The following ARB2A variants were observed in gnomAD, a reference collection of about 807,000 sequenced individuals.
ARB2A encodes the protein ARB2 cotranscriptional regulator A.
At chr5:93,779,217 G>GA in the ARB2A span, among the ~76,000 whole-genome samples, 2 of 152,026 alleles carry the variant, frequency 1.3e-5, no homozygotes, top group South Asian at 4.1e-4. Flanking sequence ...TTTGCTATAT[G>GA]ATAGAGCATA....
At chr5:94,082,826 G>C in the ARB2A span, among the ~76,000 whole-genome samples, 2 of 151,974 alleles carry the variant, frequency 1.3e-5, no homozygotes, top group Admixed American at 6.6e-5. Context: ...CTCAGAGAAG[G>C]CTTCATATTG....
At chr5:93,760,715 C>G in the ARB2A span, among the ~76,000 whole-genome samples, 1 of 152,194 alleles carries the variant, frequency 6.6e-6, no homozygotes, top group Non-Finnish European at 1.5e-5. Flanking sequence ...GAGAATGAAA[C>G]TGGATCCTCA....
At chr5:93,709,346 TG>T in the ARB2A span, among the ~76,000 whole-genome samples, 3 of 151,866 alleles carry the variant, frequency 2.0e-5, no homozygotes, top group Non-Finnish European at 4.4e-5. Context: ...GAAAATAAAT[TG>T]CAGAGGGCCA....
At chr5:94,080,833 G>T in the ARB2A span, among the ~76,000 whole-genome samples, 6 of 152,072 alleles carry the variant, frequency 3.9e-5, no homozygotes, top group Non-Finnish European at 8.8e-5. Context: ...CGCAAGTCCT[G>T]ATCTCTAAAA....
chr5:93,990,139 A>G, the ARB2A span, among the ~76,000 whole-genome samples: 1 of 152,108 alleles, frequency 6.6e-6, no homozygotes, highest in Non-Finnish European at 1.5e-5. Flanking sequence ...TTTCCTATAA[A>G]TTATTTATCT....
At chr5:93,690,633 C>T in the ARB2A span, among the ~76,000 whole-genome samples, 1 of 152,120 alleles carries the variant, frequency 6.6e-6, no homozygotes, top group Admixed American at 6.6e-5. Flanking sequence ...GCAGCTTCAG[C>T]AGAATTAAAT....
chr5:93,642,381 A>AT, the ARB2A span, among the ~76,000 whole-genome samples: 9 of 148,146 alleles, frequency 6.1e-5, no homozygotes, highest in Admixed American at 4.0e-4. Flanking sequence ...CTAATTTTTT[A>AT]TTTTTTTTGG....
At chr5:94,092,262 C>A in the ARB2A span, among the ~76,000 whole-genome samples, 1 of 152,014 alleles carries the variant, frequency 6.6e-6, no homozygotes, top group East Asian at 1.9e-4. Context: ...GGTAGGATTG[C>A]TTGAGCCTGA....
chr5:93,985,873 C>T, the ARB2A span, among the ~76,000 whole-genome samples: 3 of 152,188 alleles, frequency 2.0e-5, no homozygotes, highest in South Asian at 2.1e-4. Flanking sequence ...AGCGTCTCTG[C>T]CTGGCCGCCC....
At chr5:93,804,958 C>A in the ARB2A span, 1 of 982,962 alleles carries the variant, frequency 1.0e-6, no homozygotes, top group African/African-American at 1.8e-5. Context: ...AAAAAATTTA[C>A]AAGCATGTCC....
the ARB2A span, among the ~76,000 whole-genome samples, chr5:94,107,072 A>G: frequency 6.6e-6 from 1 of 152,072 alleles, no homozygotes; most frequent in African/African-American, 2.4e-5. Context: ...AAAGTTGGAA[A>G]GGAATAAAAG....
chr5:93,690,401 G>A, the ARB2A span, among the ~76,000 whole-genome samples: 1 of 152,134 alleles, frequency 6.6e-6, no homozygotes, highest in Non-Finnish European at 1.5e-5. Flanking sequence ...GGCTTGAGTA[G>A]GCAGTTCTCC....
the ARB2A span, among the ~76,000 whole-genome samples, chr5:93,951,925 G>C: frequency 6.6e-6 from 1 of 152,170 alleles, no homozygotes; most frequent in African/African-American, 2.4e-5. Flanking sequence ...CAACACAGTG[G>C]TAAATCCCTG....
At chr5:93,963,506 A>G in the ARB2A span, among the ~76,000 whole-genome samples, 2 of 152,028 alleles carry the variant, frequency 1.3e-5, no homozygotes, top group Non-Finnish European at 2.9e-5. Flanking sequence ...ACTTACGGAA[A>G]ATCAAATAAA....
chr5:94,052,851 T>G, the ARB2A span, among the ~76,000 whole-genome samples: 1 of 152,202 alleles, frequency 6.6e-6, no homozygotes, highest in African/African-American at 2.4e-5. Flanking sequence ...TTGAAATGCA[T>G]AAGCTGAATC....
At chr5:94,101,989 A>G in the ARB2A span, among the ~76,000 whole-genome samples, 3 of 152,014 alleles carry the variant, frequency 2.0e-5, no homozygotes, top group African/African-American at 7.2e-5. Context: ...AAGAATACTA[A>G]AGCCCTCCCC....
At chr5:93,675,721 AG>A in the ARB2A span, among the ~76,000 whole-genome samples, 1 of 152,222 alleles carries the variant, frequency 6.6e-6, no homozygotes, top group African/African-American at 2.4e-5. Context: ...TTCCATATCA[AG>A]AAGTATTTTT....
the ARB2A span, among the ~76,000 whole-genome samples, chr5:93,968,499 G>A: frequency 6.6e-6 from 1 of 151,956 alleles, no homozygotes; most frequent in Admixed American, 6.6e-5. Flanking sequence ...ATAAGTTAAT[G>A]GAAATGCTCA....
the ARB2A span, among the ~76,000 whole-genome samples, chr5:94,005,693 A>T: frequency 6.6e-6 from 1 of 152,176 alleles, no homozygotes; most frequent in Admixed American, 6.5e-5. Context: ...AACAGTAAAA[A>T]CCCAAACAAT....
Sources: gnomAD v4.1 joint callset for allele counts (sites outside exome capture counted in the v4.1 genomes callset) on GRCh38, gnomAD v4.1.1 for gene constraint, MANE v1.5 for transcripts, NCBI Gene and HGNC (gene_info 2026-07-23, HGNC 2026-07-21) for gene names.